GABBR2: variants seen among roughly 807,000 people sequenced by gnomAD.
GABBR2 encodes gamma-aminobutyric acid type B receptor subunit 2, also known as G-protein coupled receptor 51.
Under a neutral mutation model 105.6 loss-of-function variants are expected in GABBR2, and 23 were observed. The ratio of observed to expected loss-of-function variants is 0.22; its 90% CI spans 0.16 to 0.31. GABBR2 has a LOEUF of 0.31. Ranked by LOEUF, GABBR2 falls within the 10% of genes least tolerant of loss-of-function variation. The probability of loss-of-function intolerance (pLI) is 1.00; values close to 1 mark genes in which losing one functional copy is unlikely to be tolerated. For missense variants in GABBR2, 734 were observed against 1,245.5 expected (o/e 0.59, Z 6.18); for synonymous variants, 478 against 499.7 (o/e 0.96, Z 0.58).
chr9:98,642,991 T>C (rs1463994453), intron 1 of GABBR2, among the ~76,000 whole-genome samples: 2 of 152,216 alleles, frequency 1.3e-5, no homozygotes, highest in East Asian at 3.8e-4. Flanking sequence ...TCTTCCAGGC[T>C]GTCTTAGCTG....
At chr9:98,481,950 G>C (rs1451487081) in intron 4 of GABBR2, among the ~76,000 whole-genome samples, 1 of 152,214 alleles carries the variant, frequency 6.6e-6, no homozygotes, top group African/African-American at 2.4e-5. Context: ...GGTCTTTGTT[G>C]CTTTCTGGGG....
chr9:98,420,366 C>G (rs565345006), intron 7 of GABBR2, among the ~76,000 whole-genome samples: 2 of 152,170 alleles, frequency 1.3e-5, no homozygotes, highest in Non-Finnish European at 2.9e-5. Context: ...CGCCAGAGCC[C>G]CAGTGGCTGT....
At chr9:98,484,533 G>GC (rs1827001201) in intron 4 of GABBR2, among the ~76,000 whole-genome samples, 1 of 152,146 alleles carries the variant, frequency 6.6e-6, no homozygotes, top group Non-Finnish European at 1.5e-5. Flanking sequence ...AGGAGGAGCA[G>GC]CCCGGAATCC....
intron 6 of GABBR2, among the ~76,000 whole-genome samples, chr9:98,468,400 A>G (rs951956970): frequency 1.2e-4 from 18 of 152,216 alleles, no homozygotes; most frequent in Non-Finnish European, 2.6e-4. Context: ...ACAAGAGGAC[A>G]GGGGTTTGAC....
At chr9:98,311,370 C>G (rs1461946524) in intron 13 of GABBR2, among the ~76,000 whole-genome samples, 165 bp from the exon 14 acceptor site, 3 of 152,184 alleles carry the variant, frequency 2.0e-5, no homozygotes, top group Non-Finnish European at 4.4e-5. Flanking sequence ...GAGCCCAGGC[C>G]TCAACTAGCG....
chr9:98,390,718 TGCAAGAACAGTGCTGGG>T (rs1409634274), intron 9 of GABBR2, among the ~76,000 whole-genome samples: 1 of 152,034 alleles, frequency 6.6e-6, no homozygotes, highest in Admixed American at 6.5e-5. Flanking sequence ...GGCTACCAAA[TGCAAGAACAGTGCTGGG>T]GCATCTGTGA....
intron 7 of GABBR2, among the ~76,000 whole-genome samples, chr9:98,412,245 T>C (rs925114036): frequency 5.3e-5 from 8 of 152,374 alleles, no homozygotes; most frequent in East Asian, 1.9e-4. Flanking sequence ...GAAGCTACTC[T>C]GAGTGAAGAC....
chr9:98,356,126 G>T (rs1418606491), intron 13 of GABBR2, among the ~76,000 whole-genome samples: 1 of 152,154 alleles, frequency 6.6e-6, no homozygotes, highest in Non-Finnish European at 1.5e-5. Flanking sequence ...AGGTAACTTT[G>T]TGTTTGGCAA....
At chr9:98,641,129 GTT>G (rs34931575) in intron 1 of GABBR2, among the ~76,000 whole-genome samples, 1,859 of 125,252 alleles carry the variant, frequency 0.015, 31 homozygotes, top group African/African-American at 0.047. Flanking sequence ...CTGTGGTTTG[GTT>G]TTTTTTTTTT....
intron 6 of GABBR2, among the ~76,000 whole-genome samples, chr9:98,457,608 C>A (rs575590977): frequency 6.6e-6 from 1 of 152,310 alleles, no homozygotes; most frequent in South Asian, 2.1e-4. Flanking sequence ...ACTGGAAACA[C>A]GGCTCTTTAC....
chr9:98,579,651 A>G (rs1295126898), intron 1 of GABBR2, among the ~76,000 whole-genome samples: 1 of 152,226 alleles, frequency 6.6e-6, no homozygotes, highest in Non-Finnish European at 1.5e-5. Flanking sequence ...TCGATAGTGA[A>G]CACATGTCAA....
At chr9:98,640,366 C>T (rs1004097151) in intron 1 of GABBR2, among the ~76,000 whole-genome samples, 5 of 152,142 alleles carry the variant, frequency 3.3e-5, no homozygotes, top group African/African-American at 7.2e-5. Flanking sequence ...CTGCTCTCTA[C>T]ACTCAGCTGC....
chr9:98,662,058 G>C lies in GABBR2; in HGVS notation c.321+46359C>G, dbSNP rs186072089. On this transcript the variant is annotated intron_variant, in intron 1 of 18. Coordinates refer to ENST00000259455, the MANE Select transcript of GABBR2 (RefSeq NM_005458.8). ...CAGTCCTGCTTCCCACACTCTTACA[G>C]GTGTTATTCCTAACAGCACTTGCCA... 5.9e-5 allele frequency among the ~76,000 whole-genome samples: 9 copies of C among 152,286 alleles called. No homozygotes were observed. In the East Asian group the frequency reaches 1.7e-3, roughly 29 times the overall value.
intron 1 of GABBR2, among the ~76,000 whole-genome samples, chr9:98,585,626 A>C (rs183657080): frequency 2.3e-4 from 29 of 127,598 alleles, no homozygotes; most frequent in Middle Eastern, 7.6e-3. Flanking sequence ...ATGTACCCTA[A>C]AACTTAAAGT....
chr9:98,465,121 TAAAAAAAA>T (rs57747633), intron 6 of GABBR2, among the ~76,000 whole-genome samples: 8 of 21,980 alleles, frequency 3.6e-4, no homozygotes, highest in African/African-American at 1.1e-3. Context: ...CAATAAATAC[TAAAAAAAA>T]AAAAAAAAAA....
intron 1 of GABBR2, among the ~76,000 whole-genome samples, chr9:98,627,727 TCGG>T (rs1829760270): frequency 6.6e-6 from 1 of 152,230 alleles, no homozygotes; most frequent in Admixed American, 6.5e-5. Context: ...GCCATTCTCC[TCGG>T]TGTCTGTCCC....
At chr9:98,614,861 A>C (rs1467830062) in intron 1 of GABBR2, among the ~76,000 whole-genome samples, 2 of 152,208 alleles carry the variant, frequency 1.3e-5, no homozygotes, top group African/African-American at 4.8e-5. Context: ...CTGTAAACTC[A>C]ATTCATCCAG....
intron 2 of GABBR2, among the ~76,000 whole-genome samples, chr9:98,553,688 C>G (rs938969291): frequency 3.9e-5 from 6 of 152,222 alleles, no homozygotes; most frequent in African/African-American, 1.4e-4. Flanking sequence ...GGAGCAAGCA[C>G]TGCATGAAGG....
chr9:98,460,159 A>T (rs1267580984), intron 6 of GABBR2, among the ~76,000 whole-genome samples: 1 of 152,216 alleles, frequency 6.6e-6, no homozygotes, highest in Non-Finnish European at 1.5e-5. Flanking sequence ...TATTCCCAGC[A>T]CTTGGGAAGG....
Sources: allele counts gnomAD v4.1 joint callset (sites outside exome capture counted in the v4.1 genomes callset), GRCh38; gene constraint gnomAD v4.1.1; transcripts MANE v1.5; gene names NCBI Gene and HGNC (gene_info 2026-07-23, HGNC 2026-07-21).